Variants in KLK11 observed in about 807,000 individuals in gnomAD.
The protein encoded by KLK11 is kallikrein related peptidase 11, also known as kallikrein-11.
KLK11 carries 10 observed loss-of-function variants against 23.4 expected under a neutral mutation model. The observed-to-expected ratio is 0.43, with a 90% CI of 0.26 to 0.73. KLK11 has a LOEUF of 0.73. Ranked by LOEUF, KLK11 falls within the 30% of genes least tolerant of loss-of-function variation. The probability of loss-of-function intolerance (pLI) is 0.22; values close to 1 mark genes in which losing one functional copy is unlikely to be tolerated. For missense variants in KLK11, 285 were observed against 327.8 expected (o/e 0.87, Z 1.01); for synonymous variants, 131 against 131.7 (o/e 0.99, Z 0.03).
At chr19:51,023,549 T>C in intron 4 of KLK11, 1 of 252,268 alleles carries the variant, frequency 4.0e-6, no homozygotes, top group Non-Finnish European at 7.6e-6. Context: ...CACGCCCAAC[T>C]AATTTTCACA....
At chr19:51,027,399 C>G, upstream of KLK11, 4 of 1,570,074 alleles carry the variant, frequency 2.5e-6, no homozygotes, top group Non-Finnish European at 3.5e-6. Context: ...TCTGCTGACC[C>G]TTCCCCTGCC....
In KLK11 at chr19:51,025,445, G is replaced by A. The variant is rs867682849; in HGVS notation, c.40+147C>T. The A allele has an allele frequency of 3.2e-5, 16 of 498,944 alleles. No homozygotes were observed. The Middle Eastern group carries it at 1.7e-3, about 54-fold the overall frequency. The allele number at this position is 498,944 out of a possible 1,614,324, so 30.9% of individuals were successfully genotyped here. Reference sequence around the variant, plus strand: ...AAGGGATTATCTAGAAGGGCATCCAGGCCCTCATGACCACTGCTCCAGTTC... The same window carrying A: ...AAGGGATTATCTAGAAGGGCATCCAAGCCCTCATGACCACTGCTCCAGTTC... On this transcript the variant is annotated intron_variant, in intron 2 of 5. Transcript: ENST00000453757. This position sits in a 1 kb window ranked among gnomAD's most constrained non-coding sequence, Gnocchi z 6.2.
chr19:51,025,881 A>G lies in KLK11; in HGVS notation c.-35-215T>C, dbSNP rs992588923. 11 of 413,386 alleles carry G rather than the reference A, an allele frequency of 2.7e-5. No individual in the cohort carries two copies. The highest frequency in any genetic ancestry group is 4.3e-5 in the Non-Finnish European group (10 of 232,250). The allele number at this position is 413,386 out of a possible 1,614,324, so 25.6% of individuals were successfully genotyped here. A position where few individuals can be genotyped will look rare whatever the true frequency, so the allele number is the denominator to read the frequency against. ...GGGTGGCCTTGGAGAGGGCCTGGTC[A>G]CAGCTAGAAGCTTCCGAGATACCAA... On this transcript the variant is annotated intron_variant, in intron 1 of 5. Transcript: ENST00000453757. The surrounding 1 kb of genome is among the most constrained non-coding windows in gnomAD (Gnocchi z 6.2).
At position 51,025,723 on chromosome 19, in the gene KLK11, G is replaced by T. The variant is rs747285831; in HGVS notation, c.-35-57C>A. The T allele has an allele frequency of 5.7e-6, 4 of 700,594 alleles. No homozygotes were observed. The highest frequency in any genetic ancestry group is 3.8e-5 in the South Asian group (2 of 52,902). The allele number at this position is 700,594 out of a possible 1,614,324, so 43.4% of individuals were successfully genotyped here. On this transcript the variant is annotated intron_variant, in intron 1 of 5. Transcript: ENST00000453757. This position sits in a 1 kb window ranked among gnomAD's most constrained non-coding sequence, Gnocchi z 6.2. The stretch of plus-strand genomic sequence containing the variant: ...ACTTTACGGGGAAATCGGGAGGGGG[G>T]GGCTGGCTCATGCCCTCTCCTCTCT...
rs983014804 is a variant in KLK11, at chr19:51,024,223, G to A, written c.285C>T (p.His95=). The change falls in exon 4 of 6, where the codon CAC becomes CAT. Residue 95 remains histidine, a synonymous_variant. Coordinates refer to ENST00000453757, the MANE Select transcript of KLK11 (RefSeq NM_001136032.3). This position sits in a 1 kb window ranked among gnomAD's most constrained non-coding sequence, Gnocchi z 6.2. ...QTRTATESFP[H]PGFNNSLPNK... Reference sequence around the variant, plus strand: ...TGGGGAGGCTGTTGTTGAAGCCGGGGTGGGGGAAGGACTCAGTGGCTGTCC... The same window carrying A: ...TGGGGAGGCTGTTGTTGAAGCCGGGATGGGGGAAGGACTCAGTGGCTGTCC... 6.8e-6 allele frequency: 11 copies of A among 1,613,980 alleles called. No homozygotes were observed. The highest frequency in any genetic ancestry group is 2.2e-5 in the East Asian group (1 of 44,882).
In KLK11 at chr19:51,025,923, G is replaced by T. The variant is rs867701437; in HGVS notation, c.-35-257C>A. ...AGATACCAAGAACCATGTGGAAGTC[G>T]TTGGGAGGGGCTTTGAGCTGTCAAG... On this transcript the variant is annotated intron_variant, in intron 1 of 5. Transcript: ENST00000453757. This position sits in a 1 kb window ranked among gnomAD's most constrained non-coding sequence, Gnocchi z 6.2. 1.5e-5 allele frequency: 5 copies of T among 323,176 alleles called. No individual in the cohort carries two copies. The highest frequency in any genetic ancestry group is 2.8e-5 in the Non-Finnish European group (5 of 177,038). The allele number at this position is 323,176 out of a possible 1,614,324, so 20.0% of individuals were successfully genotyped here.
In KLK11 at chr19:51,025,357, G is replaced by A. The variant is rs902775369; in HGVS notation, c.40+235C>T. On this transcript the variant is annotated intron_variant, in intron 2 of 5. Coordinates refer to ENST00000453757, the MANE Select transcript of KLK11 (RefSeq NM_001136032.3). The surrounding 1 kb of genome is among the most constrained non-coding windows in gnomAD (Gnocchi z 6.2). ...TTGAGTGACTGCTCCCCCAACTCCAGCTTCCTCAGCCCCTCCACGGGACCC... is the reference window on the plus strand; with the variant it reads ...TTGAGTGACTGCTCCCCCAACTCCAACTTCCTCAGCCCCTCCACGGGACCC... Among the ~76,000 whole-genome samples, 1 of 151,910 alleles carries A rather than the reference G, an allele frequency of 6.6e-6. No homozygotes were observed. The highest frequency in any genetic ancestry group is 1.9e-4 in the East Asian group (1 of 5,182).
In KLK11 at chr19:51,024,843, G is replaced by C. The variant is rs2091459255; in HGVS notation, c.41-49C>G. 3.4e-6 allele frequency: 5 copies of C among 1,479,548 alleles called. No homozygotes were observed. The Admixed American group carries it at 8.3e-5, about 25-fold the overall frequency. 91.7% of individuals were successfully genotyped at this position (1,479,548 alleles called of 1,614,324 possible). ...AGGGGCTCAGGAAGGAGAGGTGGTA[G>C]ACCAGGAGGACTCCCAGAAATGGGG... is the stretch of plus-strand genomic sequence containing the variant. On this transcript the variant is annotated intron_variant, in intron 2 of 5. Coordinates refer to ENST00000453757, the MANE Select transcript of KLK11 (RefSeq NM_001136032.3). The surrounding 1 kb of genome is among the most constrained non-coding windows in gnomAD (Gnocchi z 6.2).
At position 51,022,638 on chromosome 19, in the gene KLK11, GC is replaced by G; in HGVS notation, c.659del (p.Gly220AlafsTer28). 1.2e-6 allele frequency: 2 copies of G among 1,613,704 alleles called. No individual in the cohort carries two copies. The highest frequency in any genetic ancestry group is 1.7e-6 in the Non-Finnish European group (2 of 1,180,022). Reference protein sequence around the residue: ...NQSLQGIISWGQDPCAITRKP... With the variant: ...NQSLQGIISWXQDPCAITRKP... ...TTCGGGTGATCGCACACGGATCCTG[GC>G]CCCAGGAGATAATGCCTTGAAGAGA... On this transcript the variant is annotated frameshift_variant, in exon 6 of 6. Coordinates refer to ENST00000453757, the MANE Select transcript of KLK11 (RefSeq NM_001136032.3). LOFTEE classifies it low-confidence loss of function (END_TRUNC).
chr19:51,027,357 T>G, upstream of KLK11: 1 of 1,218,404 alleles, frequency 8.2e-7, no homozygotes, highest in Admixed American at 1.7e-5. Context: ...TTGGCTGTGC[T>G]CCACCCCAGG....
upstream of KLK11, chr19:51,027,124 G>T: frequency 3.6e-6 from 1 of 275,596 alleles, no homozygotes; most frequent in Non-Finnish European, 6.8e-6. Context: ...TCTAATCTCC[G>T]TCTCTCTTTT....
In KLK11 at chr19:51,022,277, G is replaced by A. The variant is rs2091413085; in HGVS notation, c.*268C>T. On this transcript the variant is annotated 3_prime_UTR_variant, in exon 6 of 6. Coordinates refer to ENST00000453757, the MANE Select transcript of KLK11 (RefSeq NM_001136032.3). ...TATTGAAACCTTGATATATGGCCAG[G>A]AGCTGTCTTTGGGGCTGGGGATACA... The A allele has an allele frequency of 2.0e-6, 1 of 507,276 alleles. No homozygotes were observed. The highest frequency in any genetic ancestry group is 3.3e-5 in the Admixed American group (1 of 30,452). The allele number at this position is 507,276 out of a possible 1,614,324, so 31.4% of individuals were successfully genotyped here.
Position 51,024,600 on chromosome 19 carries a change from G to GC in KLK11, c.197+37dup. The GC allele has an allele frequency of 1.1e-5, 16 of 1,415,760 alleles. No individual in the cohort carries two copies. The highest frequency in any genetic ancestry group is 1.5e-5 in the African/African-American group (1 of 68,830). The allele number at this position is 1,415,760 out of a possible 1,614,324, so 87.7% of individuals were successfully genotyped here. A position where few individuals can be genotyped will look rare whatever the true frequency, so the allele number is the denominator to read the frequency against. The stretch of plus-strand genomic sequence containing the variant: ...CTCTCCATCCATCTCCCCATTCCCA[G>GC]CCCCCCACCCCGGCACCGCCCCAGC... On this transcript the variant is annotated intron_variant, in intron 3 of 5. Transcript: ENST00000453757. The surrounding 1 kb of genome is among the most constrained non-coding windows in gnomAD (Gnocchi z 6.2).
At chr19:51,027,352 T>C (rs554827174), upstream of KLK11, 4 of 1,166,208 alleles carry the variant, frequency 3.4e-6, no homozygotes, top group South Asian at 1.3e-5. Context: ...AGCCCTTGGC[T>C]GTGCTCCACC....
Position 51,023,129 on chromosome 19 carries a change from C to CA in KLK11, c.562dup (p.Cys188LeufsTer15), listed in dbSNP as rs765151512. 2 of 1,612,768 alleles carry CA rather than the reference C, an allele frequency of 1.2e-6. No individual in the cohort carries two copies. Among genetic ancestry groups the CA allele is most frequent in the South Asian group, 2.2e-5 (2 of 90,644 alleles). ...CTTGCCCCCTTCCTGCACGCTGGCA[C>CA]ACACCATGGTGTCTGTGATGTTGCC... On this transcript the variant is annotated frameshift_variant, in exon 5 of 6. Coordinates refer to ENST00000453757, the MANE Select transcript of KLK11 (RefSeq NM_001136032.3). LOFTEE classifies it low-confidence loss of function (END_TRUNC).
rs1405993602 is a variant in KLK11 at position 51,022,786 on chromosome 19, G to A, written c.601-89C>T. The stretch of plus-strand genomic sequence containing the variant: ...AGGTGGGGACGGTGCTTAGGAGTGG[G>A]GCCGAGACAGGATGGGTAGGCACTG... On this transcript the variant is annotated intron_variant, in intron 5 of 5. Coordinates refer to ENST00000453757, the MANE Select transcript of KLK11 (RefSeq NM_001136032.3). 4 of 1,399,894 alleles carry A rather than the reference G, an allele frequency of 2.9e-6. No individual in the cohort carries two copies. In the African/African-American group the frequency reaches 4.3e-5, roughly 15 times the overall value. 86.7% of individuals were successfully genotyped at this position (1,399,894 alleles called of 1,614,324 possible).
chr19:51,023,000 G>A (rs1001741869), intron 5 of KLK11, 92 bp downstream of exon 5: 24 of 1,399,694 alleles, frequency 1.7e-5, no homozygotes, highest in Middle Eastern at 1.8e-4. Context: ...AGGGGTCGGC[G>A]GGTTGAGGTT....
upstream of KLK11, chr19:51,027,815 G>A (rs953978533): frequency 4.5e-5 from 17 of 373,980 alleles, no homozygotes; most frequent in South Asian, 4.3e-4. Context: ...AGGCTTCCAG[G>A]AGGGTCCACT....
At position 51,024,058 on chromosome 19, in the gene KLK11, C is replaced by G; in HGVS notation, c.450G>C (p.Thr150=). 6.5e-7 allele frequency: 1 copy of G among 1,543,320 alleles called. No homozygotes were observed. Among genetic ancestry groups the G allele is most frequent in the Non-Finnish European group, 8.8e-7 (1 of 1,139,908 alleles). ...TSCLISGWGS[T]SSPQLRLPHT... The stretch of plus-strand genomic sequence containing the variant: ...TGGTGCTCCTACACTGGGGGCTGGA[C>G]GTGCTGCCCCAGCCGGAAATGAGGC... Residue 150 remains threonine (T), a synonymous_variant, in exon 4 of 6, where the codon ACG becomes ACC. Coordinates refer to ENST00000453757, the MANE Select transcript of KLK11 (RefSeq NM_001136032.3). This position sits in a 1 kb window ranked among gnomAD's most constrained non-coding sequence, Gnocchi z 6.2.
Sources: allele counts gnomAD v4.1 joint callset (sites outside exome capture counted in the v4.1 genomes callset), GRCh38; gene constraint gnomAD v4.1.1; non-coding constraint Gnocchi (gnomAD v3.1); transcripts MANE v1.5; gene names NCBI Gene and HGNC (gene_info 2026-07-23, HGNC 2026-07-21).